CEP85L: variants seen among roughly 807,000 people sequenced by gnomAD.
CEP85L encodes centrosomal protein of 85 kDa-like.
Under a neutral mutation model 100.3 loss-of-function variants are expected in CEP85L, and 60 were observed. That is an observed-to-expected ratio of 0.60 (90% CI 0.49 to 0.74). The LOEUF is 0.74. Ranked by LOEUF, CEP85L falls within the 30% of genes least tolerant of loss-of-function variation. CEP85L has a pLI of 0.00. For synonymous variants in CEP85L, 319 were observed against 322.7 expected (o/e 0.99, Z 0.12); for missense variants, 973 against 936.2 (o/e 1.04, Z -0.51).
At chr6:118,598,476 C>T (rs1465491870) in intron 2 of CEP85L, among the ~76,000 whole-genome samples, 1 of 152,086 alleles carries the variant, frequency 6.6e-6, no homozygotes, top group African/African-American at 2.4e-5. Context: ...AGGGTGAGCC[C>T]TAAGTCCACT....
At chr6:118,571,365 T>C (rs1044402212) in intron 2 of CEP85L, among the ~76,000 whole-genome samples, 2 of 152,228 alleles carry the variant, frequency 1.3e-5, no homozygotes, top group African/African-American at 2.4e-5. Flanking sequence ...GCATTGACAG[T>C]AGGCATAGAT....
At chr6:118,605,955 G>A (rs1335842008) in intron 2 of CEP85L, among the ~76,000 whole-genome samples, 5 of 150,668 alleles carry the variant, frequency 3.3e-5, no homozygotes, top group African/African-American at 9.8e-5. Flanking sequence ...CAGAGGTTGC[G>A]GTGAGCCAAG....
intron 4 of CEP85L, among the ~76,000 whole-genome samples, chr6:118,520,411 AT>A (rs1298507770): frequency 3.9e-5 from 6 of 152,152 alleles, no homozygotes; most frequent in Admixed American, 2.0e-4. Context: ...GAAAATATGC[AT>A]TTTTTAATCG....
intron 5 of CEP85L, among the ~76,000 whole-genome samples, chr6:118,500,267 C>G (rs1775195409): frequency 6.6e-6 from 1 of 151,990 alleles, no homozygotes; most frequent in Admixed American, 6.6e-5. Context: ...CTGCTGGGAG[C>G]CAAAAATGCC....
chr6:118,519,333 G>A (rs1192481137), intron 4 of CEP85L, among the ~76,000 whole-genome samples: 1 of 151,630 alleles, frequency 6.6e-6, no homozygotes, highest in Non-Finnish European at 1.5e-5. Context: ...GGGCTACTGG[G>A]GAAGCTGAGG....
intron 1 of CEP85L, among the ~76,000 whole-genome samples, chr6:118,645,107 A>G (rs978891105): frequency 8.5e-5 from 13 of 152,176 alleles, no homozygotes; most frequent in Non-Finnish European, 1.8e-4. Flanking sequence ...CCTGCTCACT[A>G]AGCTCCAGAC....
intron 5 of CEP85L, among the ~76,000 whole-genome samples, chr6:118,499,886 T>C (rs1775165692): frequency 6.6e-6 from 1 of 151,892 alleles, no homozygotes; most frequent in South Asian, 2.1e-4. Context: ...TGCTAACTAA[T>C]GCAATAAGAC....
intron 3 of CEP85L, among the ~76,000 whole-genome samples, chr6:118,555,355 G>A (rs905404428): frequency 2.0e-5 from 3 of 150,944 alleles, no homozygotes; most frequent in Non-Finnish European, 4.4e-5. Context: ...GTGAACCCGG[G>A]AGGTGGAGCT....
At chr6:118,557,328 C>A (rs945465199) in intron 3 of CEP85L, among the ~76,000 whole-genome samples, 1 of 152,148 alleles carries the variant, frequency 6.6e-6, no homozygotes, top group African/African-American at 2.4e-5. Context: ...ATTACATCTA[C>A]AGAGTAACAG....
intron 1 of CEP85L, among the ~76,000 whole-genome samples, chr6:118,701,526 G>T (rs1777406804): frequency 6.6e-6 from 1 of 152,118 alleles, no homozygotes; most frequent in African/African-American, 2.4e-5. Flanking sequence ...TGTAGGAACA[G>T]AAAACCAAAT....
chr6:118,657,623 AAGAC>A (rs776690580), intron 1 of CEP85L, among the ~76,000 whole-genome samples: 14 of 152,276 alleles, frequency 9.2e-5, no homozygotes, highest in South Asian at 2.1e-4. Context: ...CCAAAACAGA[AAGAC>A]AGACACGACA....
chr6:118,656,804 A>G (rs1338272722), upstream of CEP85L: 2 of 152,244 alleles, frequency 1.3e-5, no homozygotes, highest in Non-Finnish European at 2.9e-5. Context: ...TTAAAATATA[A>G]CAATAGATTA....
At chr6:118,685,208 A>C (rs1274460173) in intron 1 of CEP85L, among the ~76,000 whole-genome samples, 2 of 152,206 alleles carry the variant, frequency 1.3e-5, no homozygotes, top group African/African-American at 4.8e-5. Flanking sequence ...AAATAATTGC[A>C]ATAAAACAAC....
Position 118,467,928 on chromosome 6 carries a change from C to T in CEP85L, c.2254+1144G>A, listed in dbSNP as rs147899755. On this transcript the variant is annotated intron_variant, in intron 12 of 12. Coordinates refer to ENST00000368491, the MANE Select transcript of CEP85L (RefSeq NM_001042475.3). ...TGCTCCCACTGTCCTTTGTCCACAT[C>T]TCAACTATAGCACCTATCAGAATGC... 5.3e-3 allele frequency among the ~76,000 whole-genome samples: 813 copies of T among 152,266 alleles called. 4 individuals carry two copies. Among genetic ancestry groups the T allele is most frequent in the Non-Finnish European group, 8.8e-3 (599 of 68,014 alleles).
chr6:118,629,180 T>C (rs61408707), intron 2 of CEP85L, among the ~76,000 whole-genome samples: 1,933 of 152,026 alleles, frequency 0.013, 51 homozygotes, highest in African/African-American at 0.044. Context: ...AATACTACAC[T>C]ATTCTATATA....
intron 3 of CEP85L, among the ~76,000 whole-genome samples, chr6:118,547,612 G>A (rs995354257): frequency 4.0e-5 from 6 of 151,830 alleles, no homozygotes; most frequent in African/African-American, 1.5e-4. Context: ...GCTATTTTGG[G>A]GGTGTTGTAT....
chr6:118,678,425 A>G (rs1304651593), intron 1 of CEP85L, among the ~76,000 whole-genome samples: 1 of 152,236 alleles, frequency 6.6e-6, no homozygotes, highest in Non-Finnish European at 1.5e-5. Context: ...CTTCATTCCC[A>G]AAGGCAGATC....
At chr6:118,575,672 G>C (rs1272556415) in intron 2 of CEP85L, among the ~76,000 whole-genome samples, 4 of 152,208 alleles carry the variant, frequency 2.6e-5, no homozygotes. Flanking sequence ...AACCTCTTGA[G>C]AGAAATACTG....
At chr6:118,689,730 G>A (rs1776967954) in intron 1 of CEP85L, among the ~76,000 whole-genome samples, 2 of 152,258 alleles carry the variant, frequency 1.3e-5, no homozygotes, top group Admixed American at 6.5e-5. Context: ...GAAGCCTCAT[G>A]AGTACAATTC....
Sources: allele counts gnomAD v4.1 joint callset (sites outside exome capture counted in the v4.1 genomes callset), GRCh38; gene constraint gnomAD v4.1.1; transcripts MANE v1.5; gene names NCBI Gene and HGNC (gene_info 2026-07-23, HGNC 2026-07-21).